Variants in RANBP2 observed in about 807,000 individuals in gnomAD.
The protein encoded by RANBP2 is RAN binding protein 2, also known as E3 SUMO-protein ligase RanBP2.
A neutral mutation model predicts 303.6 loss-of-function variants in RANBP2; 57 were observed. That is an observed-to-expected ratio of 0.19 (90% CI 0.15 to 0.23). The LOEUF (loss-of-function observed/expected upper bound fraction) is 0.23, where lower values mean the gene tolerates loss of function less well. RANBP2 is among the 10% of genes least tolerant of loss of function. The pLI is 1.00. For synonymous variants in RANBP2, 1,167 were observed against 1,301.5 expected (o/e 0.90, Z 2.23); for missense variants, 3,138 against 3,780.8 (o/e 0.83, Z 4.46).
chr2:109,030,175 T>C, the RANBP2 span, among the ~76,000 whole-genome samples: 1 of 152,166 alleles, frequency 6.6e-6, no homozygotes, highest in Non-Finnish European at 1.5e-5. Flanking sequence ...ATGAAACTGA[T>C]CCTCAGCCTT....
the RANBP2 span, among the ~76,000 whole-genome samples, chr2:109,461,756 G>C: frequency 5.3e-5 from 8 of 152,230 alleles, no homozygotes; most frequent in Non-Finnish European, 1.2e-4. Flanking sequence ...GGATCTCCTG[G>C]GTCATGTGGC....
chr2:109,565,722 T>C, the RANBP2 span: 4 of 1,499,344 alleles, frequency 2.7e-6, no homozygotes, highest in Admixed American at 1.7e-5. Context: ...TTGAGATTAC[T>C]AGATAGATAC....
the RANBP2 span, among the ~76,000 whole-genome samples, chr2:109,391,853 T>C: frequency 6.6e-6 from 1 of 152,092 alleles, no homozygotes; most frequent in Non-Finnish European, 1.5e-5. Flanking sequence ...CTTTTTTTTT[T>C]AATTAAGACA....
chr2:109,418,014 C>G, the RANBP2 span, among the ~76,000 whole-genome samples: 2 of 152,130 alleles, frequency 1.3e-5, no homozygotes, highest in African/African-American at 2.4e-5. Flanking sequence ...TCCCTCCCAT[C>G]TGTGTGGTCT....
the RANBP2 span, chr2:109,613,156 T>A: frequency 2.3e-6 from 3 of 1,288,744 alleles, no homozygotes; most frequent in Middle Eastern, 2.1e-4. Context: ...TTGGTACTAT[T>A]AACGAAAATA....
the RANBP2 span, among the ~76,000 whole-genome samples, chr2:109,008,430 A>C: frequency 6.6e-6 from 1 of 152,138 alleles, no homozygotes; most frequent in Non-Finnish European, 1.5e-5. Context: ...ACTGCACCCC[A>C]AAAACAAGCT....
the RANBP2 span, among the ~76,000 whole-genome samples, chr2:109,409,656 G>A: frequency 2.6e-5 from 4 of 152,126 alleles, no homozygotes; most frequent in Non-Finnish European, 4.4e-5. Flanking sequence ...CCTCTCCCAG[G>A]ACAGACTCCC....
At chr2:108,934,358 C>G in the RANBP2 span, among the ~76,000 whole-genome samples, 1 of 152,112 alleles carries the variant, frequency 6.6e-6, no homozygotes, top group Non-Finnish European at 1.5e-5. Flanking sequence ...GTCGTGATCT[C>G]CTGTTTGTTT....
the RANBP2 span, among the ~76,000 whole-genome samples, chr2:109,153,737 A>G: frequency 3.9e-5 from 6 of 152,290 alleles, no homozygotes; most frequent in African/African-American, 1.4e-4. Flanking sequence ...TTTTGTGCTG[A>G]GCTGGGTTCT....
the RANBP2 span, among the ~76,000 whole-genome samples, chr2:109,590,518 G>A: frequency 6.6e-6 from 1 of 151,740 alleles, no homozygotes; most frequent in Non-Finnish European, 1.5e-5. Flanking sequence ...TGCAACCTCT[G>A]CCTCCTGGGT....
chr2:108,852,385 C>T, the RANBP2 span, among the ~76,000 whole-genome samples: 1 of 152,192 alleles, frequency 6.6e-6, no homozygotes, highest in South Asian at 2.1e-4. Context: ...TTCAACCCAA[C>T]AATCCCATTA....
the RANBP2 span, among the ~76,000 whole-genome samples, chr2:109,116,415 G>A: frequency 1.3e-5 from 2 of 152,052 alleles, no homozygotes; most frequent in East Asian, 3.9e-4. Context: ...TCTTCCAGTT[G>A]ATCACATCGG....
chr2:109,142,730 G>A, the RANBP2 span, among the ~76,000 whole-genome samples: 7 of 152,304 alleles, frequency 4.6e-5, no homozygotes, highest in East Asian at 7.7e-4. Context: ...TTTTCTGATC[G>A]TTGGTGTCCT....
At chr2:109,327,581 C>A in the RANBP2 span, among the ~76,000 whole-genome samples, 1 of 152,182 alleles carries the variant, frequency 6.6e-6, no homozygotes, top group East Asian at 1.9e-4. Flanking sequence ...AAAATTACAG[C>A]TTTTCTGAGT....
At chr2:109,567,386 T>C in the RANBP2 span, among the ~76,000 whole-genome samples, 5 of 152,186 alleles carry the variant, frequency 3.3e-5, no homozygotes, top group African/African-American at 9.7e-5. Flanking sequence ...TGAATGTAAC[T>C]TGACACTATG....
At chr2:109,336,263 T>G in the RANBP2 span, among the ~76,000 whole-genome samples, 2 of 152,258 alleles carry the variant, frequency 1.3e-5, no homozygotes, top group Non-Finnish European at 2.9e-5. Flanking sequence ...GAAGGCTGTC[T>G]TGTTCTCTAG....
At chr2:109,421,273 C>A in the RANBP2 span, among the ~76,000 whole-genome samples, 1 of 152,236 alleles carries the variant, frequency 6.6e-6, no homozygotes, top group African/African-American at 2.4e-5. Context: ...GCTTCAAGGG[C>A]AAAGCCCAGA....
At chr2:108,820,699 C>CAAAAAAAA in the RANBP2 span, among the ~76,000 whole-genome samples, 7 of 62,576 alleles carry the variant, frequency 1.1e-4, no homozygotes, top group African/African-American at 3.2e-4. Context: ...ATTCAAAGTG[C>CAAAAAAAA]AAAAAAAAAA....
At chr2:109,137,130 GTGTC>G in the RANBP2 span, among the ~76,000 whole-genome samples, 1 of 152,212 alleles carries the variant, frequency 6.6e-6, no homozygotes, top group Non-Finnish European at 1.5e-5. Context: ...AGGAAAACAT[GTGTC>G]TATATCTTTT....
Sources: allele counts gnomAD v4.1 joint callset (sites outside exome capture counted in the v4.1 genomes callset), GRCh38; gene constraint gnomAD v4.1.1; transcripts MANE v1.5; gene names NCBI Gene and HGNC (gene_info 2026-07-23, HGNC 2026-07-21).